The following CRACD variants were observed in gnomAD, a reference collection of about 807,000 sequenced individuals.
The protein encoded by CRACD is capping protein inhibiting regulator of actin dynamics, also known as capping protein-inhibiting regulator of actin dynamics.
A neutral mutation model predicts 106.8 loss-of-function variants in CRACD; 56 were observed. The observed-to-expected ratio is 0.52, with a 90% CI of 0.42 to 0.66. The LOEUF is 0.66. Among genes scored for constraint, CRACD ranks in the 30% least tolerant of loss-of-function variants. The pLI, the probability that CRACD is intolerant of heterozygous loss-of-function variation, is 0.00. For missense variants in CRACD, 1,730 were observed against 1,623.2 expected, an observed-to-expected ratio of 1.07 and a Z score of -1.13; for synonymous variants, 754 against 670.8, an observed-to-expected ratio of 1.12 and a Z score of -1.92.
At chr4:56,132,160 C>G (rs371986740) in intron 1 of CRACD, among the ~76,000 whole-genome samples, 22 of 152,292 alleles carry the variant, frequency 1.4e-4, no homozygotes, top group African/African-American at 5.1e-4. Flanking sequence ...CCTCCCACCT[C>G]AGCCTCTCGA....
Position 56,315,864 on chromosome 4 carries a change from G to A in CRACD, c.2362G>A (p.Gly788Arg), listed in dbSNP as rs752755600. 10 of 1,614,058 alleles carry A rather than the reference G, an allele frequency of 6.2e-6. No individual in the cohort carries two copies. Among genetic ancestry groups the A allele is most frequent in the Non-Finnish European group, 5.9e-6 (7 of 1,180,048 alleles). ...CCGGGAGCCCGCAGACACCACCGAG[G>A]GATGCAAATTTGCCAAAGACCTCCC... ...MHREPADTTE[G>R]CKFAKDLPSF... is the part of the protein sequence containing the mutation. The change falls in exon 8 of 11, where the codon GGA (glycine) becomes AGA (arginine). Residue 788 changes from glycine (G) to arginine (R), a missense_variant. Physicochemically the swap from Gly to Arg is moderately radical, Grantham distance 125. Transcript: ENST00000682029. This position sits in a 1 kb window ranked among gnomAD's most constrained non-coding sequence, Gnocchi z 4.1.
chr4:56,139,060 A>G (rs1735105560), intron 1 of CRACD, among the ~76,000 whole-genome samples: 1 of 152,228 alleles, frequency 6.6e-6, no homozygotes, highest in Non-Finnish European at 1.5e-5. Flanking sequence ...AAAGGTGTCT[A>G]TATATGGTTC....
intron 2 of CRACD, among the ~76,000 whole-genome samples, chr4:56,227,609 C>G (rs1055711669): frequency 6.6e-6 from 1 of 152,128 alleles, no homozygotes; most frequent in Non-Finnish European, 1.5e-5. Context: ...TTAGGCTTTA[C>G]GGGCCACATA....
chr4:56,242,602 C>A (rs906895615), intron 2 of CRACD, among the ~76,000 whole-genome samples: 4 of 152,050 alleles, frequency 2.6e-5, no homozygotes, highest in Non-Finnish European at 4.4e-5. Flanking sequence ...CCAAGAACCC[C>A]TGAAAAGCTC....
chr4:56,195,687 A>G (rs920755428), intron 2 of CRACD, among the ~76,000 whole-genome samples: 1 of 152,198 alleles, frequency 6.6e-6, no homozygotes, highest in African/African-American at 2.4e-5. Context: ...TCCAGAATAT[A>G]TTTTTCTAAT....
Position 56,065,779 on chromosome 4 carries a change from C to T in CRACD, c.-336+16480C>T, listed in dbSNP as rs1732447726. 4.6e-5 allele frequency among the ~76,000 whole-genome samples: 7 copies of T among 152,166 alleles called. No homozygotes were observed. In the South Asian group the frequency reaches 1.4e-3, roughly 32 times the overall value. On this transcript the variant is annotated intron_variant, in intron 1 of 10. Coordinates refer to ENST00000682029, the MANE Select transcript of CRACD (RefSeq NM_001393381.1). ...TTATCTAACCATCATCACTGTCCAT[C>T]CCTGAACTTGTTCATTATCCCAAAC...
intron 1 of CRACD, among the ~76,000 whole-genome samples, chr4:56,096,710 T>G (rs572446977): frequency 6.6e-6 from 1 of 151,732 alleles, no homozygotes; most frequent in South Asian, 2.1e-4. Flanking sequence ...GACTGAGAAG[T>G]GACCATTGGA....
At chr4:56,164,533 G>C (rs974131254) in intron 1 of CRACD, among the ~76,000 whole-genome samples, 1 of 152,164 alleles carries the variant, frequency 6.6e-6, no homozygotes, top group African/African-American at 2.4e-5. Context: ...ATAGCATTAG[G>C]CGGAGTGCAA....
chr4:56,085,160 C>T (rs1370400881), intron 1 of CRACD, among the ~76,000 whole-genome samples: 1 of 152,124 alleles, frequency 6.6e-6, no homozygotes, highest in Non-Finnish European at 1.5e-5. Flanking sequence ...GAGACTAGAA[C>T]ACATTTCAGG....
rs144046839 is a variant in CRACD at position 56,159,970 on chromosome 4, G to A, written c.-335-19314G>A. The stretch of plus-strand genomic sequence containing the variant: ...CTAATTTTGTATTTTTAGTAGAGAC[G>A]GGGTTTCTCCATGTTGGTCAGGCTG... On this transcript the variant is annotated intron_variant, in intron 1 of 10. Transcript: ENST00000682029. Among the ~76,000 whole-genome samples, 851 of 151,132 alleles carry A rather than the reference G, an allele frequency of 5.6e-3. 8 individuals carry two copies. The highest frequency in any genetic ancestry group is 0.018 in the African/African-American group (747 of 41,258).
At chr4:56,199,170 T>C (rs1413152714) in intron 2 of CRACD, among the ~76,000 whole-genome samples, 1 of 152,128 alleles carries the variant, frequency 6.6e-6, no homozygotes. Flanking sequence ...CGTGGAAGGA[T>C]GATCAGGGGA....
chr4:56,307,743 G>C (rs1744831381), intron 5 of CRACD, 44 bp downstream of exon 5: 2 of 1,601,138 alleles, frequency 1.2e-6, no homozygotes, highest in East Asian at 2.2e-5. Flanking sequence ...ATAAACCAGG[G>C]CAGGACATTG....
At chr4:56,050,440 A>C (rs550902991) in intron 1 of CRACD, among the ~76,000 whole-genome samples, 1 of 152,238 alleles carries the variant, frequency 6.6e-6, no homozygotes, top group African/African-American at 2.4e-5. Context: ...GTTGTGAGTT[A>C]AATCAATGTT....
chr4:56,231,473 C>G (rs116250821), intron 2 of CRACD, among the ~76,000 whole-genome samples: 2 of 152,206 alleles, frequency 1.3e-5, no homozygotes, highest in Non-Finnish European at 2.9e-5. Flanking sequence ...TGTAACCCAG[C>G]AGCTCCACTC....
At chr4:56,277,144 C>T (rs535334565) in intron 3 of CRACD, among the ~76,000 whole-genome samples, 1 of 152,150 alleles carries the variant, frequency 6.6e-6, no homozygotes, top group East Asian at 1.9e-4. Context: ...CTCTGTGAGG[C>T]CAGTGTTATC....
At chr4:56,284,461 ACGC>A (rs1324612716) in intron 3 of CRACD, among the ~76,000 whole-genome samples, 1 of 152,170 alleles carries the variant, frequency 6.6e-6, no homozygotes. Context: ...ATGGTGGCTC[ACGC>A]CTGTAATCCC....
At chr4:56,249,685 G>A (rs1740934329) in intron 2 of CRACD, among the ~76,000 whole-genome samples, 1 of 152,148 alleles carries the variant, frequency 6.6e-6, no homozygotes. Flanking sequence ...AAAGGGAGAT[G>A]CCTCCCTGAG....
chr4:56,272,662 G>A (rs1185372273), intron 3 of CRACD, among the ~76,000 whole-genome samples, 170 bp downstream of exon 3: 5 of 152,040 alleles, frequency 3.3e-5, no homozygotes, highest in Non-Finnish European at 7.4e-5. Context: ...AGGCCGAGGC[G>A]GGCAGATCAC....
intron 1 of CRACD, among the ~76,000 whole-genome samples, chr4:56,059,358 C>T (rs1732190971): frequency 6.6e-6 from 1 of 152,142 alleles, no homozygotes; most frequent in Non-Finnish European, 1.5e-5. Flanking sequence ...CACCTGTGGT[C>T]CCAGCTACTC....
Sources: allele counts gnomAD v4.1 joint callset (sites outside exome capture counted in the v4.1 genomes callset), GRCh38; gene constraint gnomAD v4.1.1; non-coding constraint Gnocchi (gnomAD v3.1); transcripts MANE v1.5; gene names NCBI Gene and HGNC (gene_info 2026-07-23, HGNC 2026-07-21).